Variants in SDK1 observed in about 807,000 individuals in gnomAD.
SDK1 encodes sidekick cell adhesion molecule 1.
Under a neutral mutation model 245.5 loss-of-function variants are expected in SDK1, and 157 were observed. The ratio of observed to expected loss-of-function variants is 0.64; its 90% CI spans 0.56 to 0.73. The LOEUF is 0.73. Among genes scored for constraint, SDK1 ranks in the 30% least tolerant of loss-of-function variants. The pLI, the probability that SDK1 is intolerant of heterozygous loss-of-function variation, is 0.00. For synonymous variants in SDK1, 1,647 were observed against 1,278.5 expected, an observed-to-expected ratio of 1.29 and a Z score of -6.15; for missense variants, 3,583 against 3,002.3, an observed-to-expected ratio of 1.19 and a Z score of -4.52.
intron 1 of SDK1, among the ~76,000 whole-genome samples, chr7:3,601,181 T>C (rs1053888080): frequency 2.6e-5 from 4 of 152,204 alleles, no homozygotes; most frequent in East Asian, 1.9e-4. Flanking sequence ...GTCTATAGTT[T>C]ACTTTTTTGT....
At chr7:3,895,173 A>G (rs1441112184) in intron 5 of SDK1, among the ~76,000 whole-genome samples, 1 of 152,222 alleles carries the variant, frequency 6.6e-6, no homozygotes, top group Non-Finnish European at 1.5e-5. Context: ...CATAAGTAGT[A>G]ATTAAGGGGC....
rs1583211090 is a variant in SDK1 at position 4,266,638 on chromosome 7, C to T, written c.*1254C>T. The T allele has an allele frequency of 1.0e-6, 1 of 985,416 alleles. No homozygotes were observed. 61.0% of individuals were successfully genotyped at this position (985,416 alleles called of 1,614,324 possible). On this transcript the variant is annotated 3_prime_UTR_variant, in exon 45 of 45. Transcript: ENST00000404826. Reference sequence around the variant, plus strand: ...TTCAGCTAGATGAAAAGAGTATGAACTACTTTGGAAAACTTAACAGCTCAG... The same window carrying T: ...TTCAGCTAGATGAAAAGAGTATGAATTACTTTGGAAAACTTAACAGCTCAG...
intron 30 of SDK1, among the ~76,000 whole-genome samples, chr7:4,156,121 G>A (rs747234428): frequency 6.6e-6 from 1 of 152,148 alleles, no homozygotes; most frequent in African/African-American, 2.4e-5. Context: ...AAAGTATGCT[G>A]TCCAAGGTTA....
At chr7:3,989,896 C>T (rs1784166079) in intron 14 of SDK1, among the ~76,000 whole-genome samples, 1 of 152,208 alleles carries the variant, frequency 6.6e-6, no homozygotes, top group African/African-American at 2.4e-5. Context: ...AATGGATGTG[C>T]AGAGGCTGTA....
intron 30 of SDK1, among the ~76,000 whole-genome samples, chr7:4,153,694 GT>G (rs1484355520): frequency 1.3e-5 from 2 of 152,094 alleles, no homozygotes; most frequent in African/African-American, 4.8e-5. Context: ...TTGGTTGGTT[GT>G]TTTATTTGTT....
At chr7:4,177,894 A>G (rs1433355569) in intron 34 of SDK1, among the ~76,000 whole-genome samples, 1 of 152,240 alleles carries the variant, frequency 6.6e-6, no homozygotes, top group Non-Finnish European at 1.5e-5. Flanking sequence ...GCGACAGATC[A>G]TCAGGCATTA....
At chr7:4,042,496 G>C (rs933371805) in intron 17 of SDK1, among the ~76,000 whole-genome samples, 1 of 136,262 alleles carries the variant, frequency 7.3e-6, no homozygotes, top group Non-Finnish European at 1.5e-5. Context: ...GTGCCTGCGT[G>C]GGGGGAATTA....
chr7:3,932,583 C>G (rs1583582272), intron 5 of SDK1, among the ~76,000 whole-genome samples: 1 of 152,218 alleles, frequency 6.6e-6, no homozygotes, highest in Admixed American at 6.5e-5. Flanking sequence ...TCTCTGAAGA[C>G]TTCCTGATTT....
At chr7:3,861,496 T>A (rs934141435) in intron 5 of SDK1, among the ~76,000 whole-genome samples, 1 of 152,156 alleles carries the variant, frequency 6.6e-6, no homozygotes, top group African/African-American at 2.4e-5. Flanking sequence ...ACTGACCCCC[T>A]GCTGCTTGGG....
intron 1 of SDK1, among the ~76,000 whole-genome samples, chr7:3,434,809 G>A (rs1428020868): frequency 6.6e-6 from 1 of 152,016 alleles, no homozygotes; most frequent in African/African-American, 2.4e-5. Context: ...GAATCATGGG[G>A]GGGGACAGAG....
chr7:3,577,169 G>T (rs1780320724), intron 1 of SDK1, among the ~76,000 whole-genome samples: 1 of 151,958 alleles, frequency 6.6e-6, no homozygotes, highest in Non-Finnish European at 1.5e-5. Flanking sequence ...CCTCCATCTG[G>T]AATCGCAGAC....
intron 4 of SDK1, among the ~76,000 whole-genome samples, chr7:3,665,448 G>C (rs1057314929): frequency 7.0e-6 from 1 of 141,902 alleles, no homozygotes; most frequent in Admixed American, 7.1e-5. Flanking sequence ...AATTCTTTGA[G>C]GGTAGGGATT....
intron 4 of SDK1, among the ~76,000 whole-genome samples, chr7:3,654,219 CGTT>C (rs543669966): frequency 4.4e-4 from 67 of 152,240 alleles, no homozygotes; most frequent in African/African-American, 1.6e-3. Context: ...AAGTTCTTTT[CGTT>C]GTTGTTCTCA....
At chr7:3,906,008 G>A (rs1243057526) in intron 5 of SDK1, among the ~76,000 whole-genome samples, 1 of 151,930 alleles carries the variant, frequency 6.6e-6, no homozygotes, top group Non-Finnish European at 1.5e-5. Flanking sequence ...TCCGATTTAA[G>A]CATATTTGCA....
chr7:3,677,732 G>A (rs1783951253), intron 4 of SDK1, among the ~76,000 whole-genome samples: 1 of 152,208 alleles, frequency 6.6e-6, no homozygotes, highest in South Asian at 2.1e-4. Flanking sequence ...ATATCTTAAT[G>A]TGATCTTAAG....
rs762047171 is a variant in SDK1 at position 3,969,375 on chromosome 7, G to A, written c.1665G>A (p.Ala555=). 2.7e-5 allele frequency: 44 copies of A among 1,610,344 alleles called. No individual in the cohort carries two copies. The highest frequency in any genetic ancestry group is 1.0e-4 in the South Asian group (9 of 89,912). Residue 555 remains alanine (A), a synonymous_variant, in exon 11 of 45, where the codon GCG becomes GCA. Transcript: ENST00000404826. ...IQDAGNYTCY[A]ANTEGSLNAS... Reference sequence around the variant, plus strand: ...ATGCCGGCAACTACACCTGCTATGCGGCCAACACAGAGGGCTCCCTGAATG... The same window carrying A: ...ATGCCGGCAACTACACCTGCTATGCAGCCAACACAGAGGGCTCCCTGAATG...
intron 44 of SDK1, among the ~76,000 whole-genome samples, chr7:4,251,530 G>A (rs1003761223): frequency 6.6e-6 from 1 of 152,216 alleles, no homozygotes; most frequent in Non-Finnish European, 1.5e-5. Context: ...TGTAGGTACT[G>A]CTGATTAGAA....
At chr7:3,444,043 C>T (rs551121675) in intron 1 of SDK1, among the ~76,000 whole-genome samples, 2 of 152,350 alleles carry the variant, frequency 1.3e-5, no homozygotes, top group East Asian at 3.9e-4. Context: ...TGCAGCCTTC[C>T]TGCCTGCGCC....
chr7:4,241,126 T>C (rs566123289), intron 42 of SDK1, among the ~76,000 whole-genome samples: 1 of 152,334 alleles, frequency 6.6e-6, no homozygotes, highest in African/African-American at 2.4e-5. Context: ...TTACTCTTTT[T>C]TGAAGTGTGC....
Sources: allele counts gnomAD v4.1 joint callset (sites outside exome capture counted in the v4.1 genomes callset), GRCh38; gene constraint gnomAD v4.1.1; transcripts MANE v1.5; gene names NCBI Gene and HGNC (gene_info 2026-07-23, HGNC 2026-07-21).